Variants in ATXN7L3 observed in about 807,000 individuals in gnomAD.
ATXN7L3 encodes the protein ataxin 7 like 3, also known as ataxin-7-like protein 3.
A neutral mutation model predicts 50.0 loss-of-function variants in ATXN7L3; 6 were observed. The observed-to-expected ratio is 0.12, with a 90% CI of 0.07 to 0.24. The LOEUF is 0.24. Ranked by LOEUF, ATXN7L3 falls within the 10% of genes least tolerant of loss-of-function variation. The probability of loss-of-function intolerance (pLI) is 1.00; values close to 1 mark genes in which losing one functional copy is unlikely to be tolerated. For missense variants in ATXN7L3, 322 were observed against 451.3 expected, an observed-to-expected ratio of 0.71 and a Z score of 2.60; for synonymous variants, 198 against 165.8, an observed-to-expected ratio of 1.19 and a Z score of -1.49.
intron 5 of ATXN7L3, 142 bp downstream of exon 5, chr17:44,196,787 A>AG: frequency 1.7e-6 from 1 of 600,376 alleles, no homozygotes; most frequent in East Asian, 3.3e-5. Context: ...CAAAAAAAAA[A>AG]AAAAAAAAAA....
In ATXN7L3 at chr17:44,194,381, T is replaced by C; in HGVS notation, c.926A>G (p.Lys309Arg). Reference sequence around the variant, plus strand: ...CAGGCTCAGATGGGATTTCTTTTTCTTGGTTTTCCGTGACTCAGAGCTGTT... The same window carrying C: ...CAGGCTCAGATGGGATTTCTTTTTCCTGGTTTTCCGTGACTCAGAGCTGTT... The part of the protein sequence containing the change: ...GTNSSESRKT[K>R]KKKSHLSLVG... Residue 309 changes from lysine to arginine, a missense_variant, in exon 13 of 13, where the codon AAG becomes AGG. Transcript: ENST00000587097. 1 of 1,614,222 alleles carries C rather than the reference T, an allele frequency of 6.2e-7. No individual in the cohort carries two copies. Among genetic ancestry groups the C allele is most frequent in the Non-Finnish European group, 8.5e-7 (1 of 1,180,044 alleles).
intron 10 of ATXN7L3, 114 bp downstream of exon 10, chr17:44,194,983 G>C: frequency 6.8e-7 from 1 of 1,459,910 alleles, no homozygotes; most frequent in East Asian, 2.3e-5. Context: ...CATCATTAGA[G>C]GAGGGAAGGG....
rs899536753 is a variant in ATXN7L3 at position 44,198,188 on chromosome 17, ACC to A, written c.-60-60_-60-59del. On this transcript the variant is annotated intron_variant, in intron 1 of 12. Coordinates refer to ENST00000587097, the MANE Select transcript of ATXN7L3 (RefSeq NM_001382309.1). ...GTCCAAGGCACCTCTGAATGCGGCC[ACC>A]TTCCCTCCCCACCTCGCTGCCCAAA... 4 of 954,838 alleles carry A rather than the reference ACC, an allele frequency of 4.2e-6. No homozygotes were observed. In the African/African-American group the frequency reaches 6.6e-5, roughly 16 times the overall value. 59.1% of individuals were successfully genotyped at this position (954,838 alleles called of 1,614,324 possible).
Position 44,194,667 on chromosome 17 carries a change from G to A in ATXN7L3, c.745C>T (p.Pro249Ser), listed in dbSNP as rs2055817568. ...TTATCCAGGGAGCTCTCGACCTCTG[G>A]AAGGACACTGGAAAGGGGATGAGCC... The part of the protein sequence containing the change: ...IYFLGPSAVL[P>S]EVESSLDNDS... Residue 249 changes from proline to serine, a missense_variant, in exon 12 of 13, where the codon CCA becomes TCA. Pro to Ser is a moderately conservative substitution (Grantham distance 74). Around this residue, in one of 5 missense-constraint regions of ATXN7L3, gnomAD observed 122 missense variants for 130.8 expected, o/e 0.93. Transcript: ENST00000587097. 2 of 1,613,986 alleles carry A rather than the reference G, an allele frequency of 1.2e-6. No homozygotes were observed. The highest frequency in any genetic ancestry group is 1.3e-5 in the African/African-American group (1 of 74,938).
At chr17:44,197,830 C>T (rs1234548473) in intron 2 of ATXN7L3, 100 bp from the exon 3 acceptor site, 2 of 1,568,298 alleles carry the variant, frequency 1.3e-6, no homozygotes, top group Non-Finnish European at 1.7e-6. Context: ...AAAAATCATG[C>T]TTTCTTTGCC....
In ATXN7L3 at chr17:44,194,670, G is replaced by A. The variant is rs1179617474; in HGVS notation, c.742C>T (p.Leu248Phe). The change falls in exon 12 of 13, where the codon CTT becomes TTT. Residue 248 changes from leucine to phenylalanine, a missense_variant. Physicochemically the swap from Leu to Phe is conservative, Grantham distance 22. This residue lies in a region of ATXN7L3 where 122 missense variants were observed against 130.8 expected (regional missense o/e 0.93). Coordinates refer to ENST00000587097, the MANE Select transcript of ATXN7L3 (RefSeq NM_001382309.1). ...TCCAGGGAGCTCTCGACCTCTGGAA[G>A]GACACTGGAAAGGGGATGAGCCAAA... Reference protein sequence around the residue: ...RIYFLGPSAVLPEVESSLDND... With the variant: ...RIYFLGPSAVFPEVESSLDND... 3.7e-6 allele frequency: 6 copies of A among 1,614,050 alleles called. No homozygotes were observed. The highest frequency in any genetic ancestry group is 4.2e-6 in the Non-Finnish European group (5 of 1,179,946).
In ATXN7L3 at chr17:44,194,257, C is replaced by T. The variant is rs763403660; in HGVS notation, c.*6G>A. On this transcript the variant is annotated 3_prime_UTR_variant, in exon 13 of 13. Coordinates refer to ENST00000587097, the MANE Select transcript of ATXN7L3 (RefSeq NM_001382309.1). ...GCTCAGCCAAAGGCTATCCCTTGCA[C>T]CCAAGTCAGTTGATGTCATCATAGA... 6.2e-7 allele frequency: 1 copy of T among 1,614,006 alleles called. No individual in the cohort carries two copies. Among genetic ancestry groups the T allele is most frequent in the Non-Finnish European group, 8.5e-7 (1 of 1,179,958 alleles).
intron 4 of ATXN7L3, 94 bp downstream of exon 4, chr17:44,197,134 C>T: frequency 1.3e-6 from 2 of 1,556,914 alleles, no homozygotes; most frequent in South Asian, 1.2e-5. Context: ...GCATCTGGGG[C>T]CAAGTAAAAC....
At chr17:44,196,345 G>A (rs1312077821) in intron 6 of ATXN7L3, 51 bp downstream of exon 6, 1 of 1,610,324 alleles carries the variant, frequency 6.2e-7, no homozygotes, top group Non-Finnish European at 8.5e-7. Flanking sequence ...CCAAAGGGGA[G>A]GGTATCTGTC....
At chr17:44,196,314 T>C in intron 6 of ATXN7L3, 82 bp downstream of exon 6, 1 of 1,503,180 alleles carries the variant, frequency 6.7e-7, no homozygotes, top group Non-Finnish European at 9.1e-7. Context: ...CCTTGAGTCA[T>C]GACACTCGAG....
At position 44,194,283 on chromosome 17, in the gene ATXN7L3, T is replaced by A; in HGVS notation, c.1024A>T (p.Ile342Phe). 6.2e-7 allele frequency: 1 copy of A among 1,614,220 alleles called. No individual in the cohort carries two copies. Among genetic ancestry groups the A allele is most frequent in the South Asian group, 1.1e-5 (1 of 91,086 alleles). ...PKPPAPPTPS[I>F]YDDIN is the part of the protein sequence containing the mutation. ...CCAAGTCAGTTGATGTCATCATAGA[T>A]GCTGGGCGTCGGGGGTGCCGGTGGC... is the stretch of plus-strand genomic sequence containing the variant. Residue 342 changes from isoleucine (I) to phenylalanine (F), a missense_variant, in exon 13 of 13, where the codon ATC becomes TTC. Ile to Phe is a conservative substitution (Grantham distance 21). Around this residue, in one of 5 missense-constraint regions of ATXN7L3, gnomAD observed 122 missense variants for 130.8 expected, o/e 0.93. Coordinates refer to ENST00000587097, the MANE Select transcript of ATXN7L3 (RefSeq NM_001382309.1).
rs755316119 is a variant in ATXN7L3, at chr17:44,198,072, T to C, written c.-2A>G. On this transcript the variant is annotated 5_prime_UTR_variant, in exon 2 of 13. Coordinates refer to ENST00000587097, the MANE Select transcript of ATXN7L3 (RefSeq NM_001382309.1). ...CAAAGACATTTCCTCCATTTTCATT[T>C]GTAAACTCTTGTGGAGACGGCGCTC... The C allele has an allele frequency of 6.2e-7, 1 of 1,614,096 alleles. No homozygotes were observed. The highest frequency in any genetic ancestry group is 1.1e-5 in the South Asian group (1 of 91,086).
At chr17:44,196,464 C>T in intron 5 of ATXN7L3, 46 bp from the exon 6 acceptor site, 1 of 1,612,768 alleles carries the variant, frequency 6.2e-7, no homozygotes, top group Non-Finnish European at 8.5e-7. Context: ...GTTAAGTTCT[C>T]AATCTAAAAG....
At chr17:44,197,131 G>C in intron 4 of ATXN7L3, 97 bp downstream of exon 4, 1 of 1,557,148 alleles carries the variant, frequency 6.4e-7, no homozygotes, top group Non-Finnish European at 8.8e-7. Flanking sequence ...GGAGCATCTG[G>C]GGCCAAGTAA....
chr17:44,197,993 T>A (rs748599822), intron 2 of ATXN7L3, 27 bp downstream of exon 2: 2 of 1,608,868 alleles, frequency 1.2e-6, no homozygotes, highest in South Asian at 2.2e-5. Flanking sequence ...GAGAAAGAAC[T>A]GGAGGCACAC....
rs527569089 is a variant in ATXN7L3, at chr17:44,192,839, A to G, written c.*1424T>C. The stretch of plus-strand genomic sequence containing the variant: ...ACCAGTCCTGGGTACTAACTACCCA[A>G]ATGTGGGATGGCTCCTCTTGGGAAG... On this transcript the variant is annotated 3_prime_UTR_variant, in exon 13 of 13. Transcript: ENST00000587097. The G allele has an allele frequency of 6.6e-6, 1 of 152,310 alleles. No homozygotes were observed. Among genetic ancestry groups the G allele is most frequent in the South Asian group, 2.1e-4 (1 of 4,826 alleles). The allele number at this position is 152,310 out of a possible 1,614,324, so 9.4% of individuals were successfully genotyped here. A position where few individuals can be genotyped will look rare whatever the true frequency, so the allele number is the denominator to read the frequency against.
chr17:44,199,129 G>A (rs1028653241), intron 1 of ATXN7L3: 2 of 152,088 alleles, frequency 1.3e-5, no homozygotes, highest in Non-Finnish European at 2.9e-5. Context: ...GACCCCCAGA[G>A]AGTGGGACGC....
chr17:44,196,551 G>A (rs1224909630), intron 5 of ATXN7L3, 133 bp from the exon 6 acceptor site: 9 of 1,121,878 alleles, frequency 8.0e-6, no homozygotes, highest in East Asian at 2.4e-5. Context: ...AGGCCCAGGC[G>A]GGCAGATCAC....
rs375996421 is a variant in ATXN7L3 at position 44,196,410 on chromosome 17, T to G, written c.463A>C (p.Arg155=). Residue 155 remains arginine, a synonymous_variant, in exon 6 of 13, where the codon AGA becomes CGA. Transcript: ENST00000587097. ...SYGSEKKAKK[R]KSDKNPNSPR... ...CCGGCTCTCACCTTGTCTGACTTTCTCTTCTTGGCTGTGGGAAACAAAAGC... is the reference window on the plus strand; with the variant it reads ...CCGGCTCTCACCTTGTCTGACTTTCGCTTCTTGGCTGTGGGAAACAAAAGC... The G allele has an allele frequency of 6.2e-6, 10 of 1,613,902 alleles. No homozygotes were observed. The African/African-American group carries it at 1.3e-4, about 22-fold the overall frequency.
Sources: gnomAD v4.1 joint callset for allele counts on GRCh38, gnomAD v4.1.1 for gene constraint, gnomAD v4.1.1 regional missense constraint, MANE v1.5 for transcripts, NCBI Gene and HGNC (gene_info 2026-07-23, HGNC 2026-07-21) for gene names.